Variants in MSN observed in about 807,000 individuals in gnomAD.
The protein encoded by MSN is epididymis luminal protein 70.
MSN carries 2 observed loss-of-function variants against 48.0 expected under a neutral mutation model. The observed-to-expected ratio is 0.04, with a 90% CI of 0.02 to 0.13. The LOEUF (loss-of-function observed/expected upper bound fraction) is 0.13. Ranked by LOEUF, MSN falls within the 10% of genes least tolerant of loss-of-function variation. MSN has a pLI of 1.00. For synonymous variants in MSN, 146 were observed against 166.9 expected (o/e 0.87, Z 0.97); for missense variants, 267 against 470.1 (o/e 0.57, Z 3.99).
intron 1 of MSN, among the ~76,000 whole-genome samples, chrX:65,661,571 T>C (rs1031871540): frequency 8.0e-5 from 9 of 112,288 alleles, no homozygotes; most frequent in African/African-American, 2.6e-4. Flanking sequence ...CCTGAAGTTT[T>C]CTTTTTTCAT....
Position 65,677,033 on chromosome X carries a change from G to A in MSN, c.12+9180G>A, listed in dbSNP as rs894349892. Among the ~76,000 whole-genome samples, 3 of 110,933 alleles carry A rather than the reference G, an allele frequency of 2.7e-5. No homozygotes were observed. In the East Asian group the frequency reaches 8.5e-4, roughly 31 times the overall value. ...AGTAGAGATGAGGTTTCACCATGTT[G>A]GCCAGGCTGGTCTTGAACTCCTGAC... On this transcript the variant is annotated intron_variant, in intron 1 of 12. Transcript: ENST00000360270.
chrX:65,642,941 CT>C (rs756259673), intron 1 of MSN, among the ~76,000 whole-genome samples: 2 of 110,892 alleles, frequency 1.8e-5, no homozygotes, highest in East Asian at 5.7e-4. Context: ...CTTCCCACCC[CT>C]ATCCCCTCAG....
At chrX:65,736,019 A>G (rs918303651) in intron 8 of MSN, among the ~76,000 whole-genome samples, 2 of 111,848 alleles carry the variant, frequency 1.8e-5, no homozygotes, top group Non-Finnish European at 3.8e-5. Context: ...CAGATTTGTA[A>G]CAGACTCTGG....
chrX:65,713,890 G>A (rs777336397), intron 1 of MSN, among the ~76,000 whole-genome samples: 11 of 111,539 alleles, frequency 9.9e-5, no homozygotes, highest in Non-Finnish European at 2.1e-4. Flanking sequence ...AGCGATTCTC[G>A]TGCCTCAGCC....
In MSN at chrX:65,740,836, G is replaced by C. The variant is rs2071729926; in HGVS notation, c.*943G>C. ...CCATCAGGACTCTTGTGAAAAGAGA[G>C]GATATGTTCACACCTAGCGTCAGTA... On this transcript the variant is annotated 3_prime_UTR_variant, in exon 13 of 13. Coordinates refer to ENST00000360270, the MANE Select transcript of MSN (RefSeq NM_002444.3). 1 of 171,391 alleles carries C rather than the reference G, an allele frequency of 5.8e-6. No homozygotes were observed. The highest frequency in any genetic ancestry group is 8.0e-5 in the Admixed American group (1 of 12,548). The allele number at this position is 171,391 out of a possible 1,213,427, so 14.1% of individuals were successfully genotyped here.
intron 1 of MSN, among the ~76,000 whole-genome samples, chrX:65,661,719 T>C (rs2070825348): frequency 8.9e-6 from 1 of 111,935 alleles, no homozygotes; most frequent in African/African-American, 3.2e-5. Flanking sequence ...CACATCCCCA[T>C]TTACCATAGC....
intron 1 of MSN, among the ~76,000 whole-genome samples, chrX:65,638,872 A>G (rs1393995304): frequency 2.7e-5 from 3 of 111,854 alleles, no homozygotes; most frequent in Non-Finnish European, 5.7e-5. Flanking sequence ...CTGGATATGA[A>G]TCCACCTTTG....
chrX:65,708,776 G>A (rs1287372488), intron 1 of MSN, among the ~76,000 whole-genome samples: 7 of 110,373 alleles, frequency 6.3e-5, no homozygotes, highest in Admixed American at 2.9e-4. Flanking sequence ...TCCGCCTCTC[G>A]GGTTCAAGAG....
At chrX:65,633,435 A>G (rs2070574109) in intron 1 of MSN, among the ~76,000 whole-genome samples, 1 of 112,174 alleles carries the variant, frequency 8.9e-6, no homozygotes. Flanking sequence ...AAGCACAAAC[A>G]TGGCCATAAA....
chrX:65,717,648 G>A (rs1018400065), intron 2 of MSN, among the ~76,000 whole-genome samples: 6 of 112,288 alleles, frequency 5.3e-5, no homozygotes, highest in Admixed American at 9.4e-5. Flanking sequence ...GGAATGTGCC[G>A]TCTGTGGCCA....
At chrX:65,619,943 G>T (rs1271059045) in intron 1 of MSN, among the ~76,000 whole-genome samples, 3 of 111,001 alleles carry the variant, frequency 2.7e-5, no homozygotes, top group African/African-American at 1.0e-4. Context: ...ACCCTCAGCT[G>T]CAGGTCTGTT....
chrX:65,729,499 A>G lies in MSN; in HGVS notation c.254A>G (p.Tyr85Cys), dbSNP rs758203614. The G allele has an allele frequency of 2.6e-5, 32 of 1,209,617 alleles. No homozygotes were observed. Among genetic ancestry groups the G allele is most frequent in the Admixed American group, 2.2e-4 (10 of 45,724 alleles). Reference protein sequence around the residue: ...PLLFKFRAKFYPEDVSEELIQ... With the variant: ...PLLFKFRAKFCPEDVSEELIQ... ...CTCTTTAAGTTCCGTGCCAAGTTCT[A>G]CCCTGAGGATGTGTCCGAGGAATTG... is the stretch of plus-strand genomic sequence containing the variant. The change falls in exon 4 of 13, where the codon TAC becomes TGC. Residue 85 changes from tyrosine (Y) to cysteine (C), a missense_variant. Tyr to Cys is a radical substitution (Grantham distance 194). Coordinates refer to ENST00000360270, the MANE Select transcript of MSN (RefSeq NM_002444.3).
chrX:65,642,247 A>G (rs2070662038), intron 1 of MSN, among the ~76,000 whole-genome samples: 1 of 110,873 alleles, frequency 9.0e-6, no homozygotes, highest in Non-Finnish European at 1.9e-5. Context: ...AAGCCACATA[A>G]AATGGTGAAA....
intron 1 of MSN, among the ~76,000 whole-genome samples, chrX:65,602,466 C>T (rs188697217): frequency 2.8e-3 from 313 of 111,075 alleles, no homozygotes; most frequent in African/African-American, 9.2e-3. Flanking sequence ...GAAGTGACTC[C>T]GATATAATTA....
intron 1 of MSN, among the ~76,000 whole-genome samples, chrX:65,595,783 T>C (rs188813563): frequency 1.1e-4 from 12 of 112,451 alleles, no homozygotes; most frequent in African/African-American, 3.9e-4. Context: ...ATGATAAAGA[T>C]AGAGAAACAG....
chrX:65,591,275 T>C (rs2070144831), intron 1 of MSN, among the ~76,000 whole-genome samples: 1 of 111,624 alleles, frequency 9.0e-6, no homozygotes, highest in South Asian at 3.8e-4. Flanking sequence ...CAGGTCAAAG[T>C]GAGCCCCACT....
intron 1 of MSN, among the ~76,000 whole-genome samples, chrX:65,615,269 G>C (rs1311594643): frequency 1.8e-5 from 2 of 108,293 alleles, no homozygotes; most frequent in Non-Finnish European, 3.8e-5. Flanking sequence ...AGATCCCTGA[G>C]GAATCGCCAC....
chrX:65,708,544 T>G (rs764622901), intron 1 of MSN, among the ~76,000 whole-genome samples: 19 of 109,695 alleles, frequency 1.7e-4, no homozygotes, highest in Non-Finnish European at 2.1e-4. Flanking sequence ...CCGCCCACAT[T>G]GGCCTCTCAA....
At position 65,678,411 on chromosome X, in the gene MSN, C is replaced by T. The variant is rs764256272; in HGVS notation, c.12+10558C>T. Among the ~76,000 whole-genome samples, 4 of 111,784 alleles carry T rather than the reference C, an allele frequency of 3.6e-5. No homozygotes were observed. In the South Asian group the frequency reaches 1.5e-3, roughly 42 times the overall value. On this transcript the variant is annotated intron_variant, in intron 1 of 12. Coordinates refer to ENST00000360270, the MANE Select transcript of MSN (RefSeq NM_002444.3). ...TTGGCACTGCCTGGTCACTCCTCTA[C>T]AGCTTCTTACCTAGATCTCTGACAG...
Sources: gnomAD v4.1 joint callset for allele counts (sites outside exome capture counted in the v4.1 genomes callset) on GRCh38, gnomAD v4.1.1 for gene constraint, MANE v1.5 for transcripts, NCBI Gene and HGNC (gene_info 2026-07-23, HGNC 2026-07-21) for gene names.